The following TENM2 variants were observed in gnomAD, a reference collection of about 807,000 sequenced individuals.
TENM2 encodes teneurin transmembrane protein 2, also known as teneurin-2.
In TENM2, 52 loss-of-function variants were observed where a neutral mutation model predicts 245.2. The ratio of observed to expected loss-of-function variants is 0.21; its 90% CI spans 0.17 to 0.27. The LOEUF (loss-of-function observed/expected upper bound fraction) is 0.27, where lower values mean the gene tolerates loss of function less well. TENM2 is among the 10% of genes least tolerant of loss of function. The pLI is 1.00. For missense variants in TENM2, 3,046 were observed against 3,666.8 expected, an observed-to-expected ratio of 0.83 and a Z score of 4.37; for synonymous variants, 1,363 against 1,438.9, an observed-to-expected ratio of 0.95 and a Z score of 1.19.
the TENM2 span, among the ~76,000 whole-genome samples, chr5:167,275,048 A>G: frequency 2.6e-5 from 4 of 152,000 alleles, no homozygotes; most frequent in African/African-American, 9.7e-5. Context: ...AAACTAAATT[A>G]AGGAGTTTTT....
chr5:167,995,057 G>C (rs759457981), intron 5 of TENM2, among the ~76,000 whole-genome samples: 1 of 151,974 alleles, frequency 6.6e-6, no homozygotes, highest in Non-Finnish European at 1.5e-5. Flanking sequence ...TGTTCTGCGG[G>C]GCCAGTGAGC....
At chr5:167,694,251 A>C (rs1217745870) in intron 2 of TENM2, among the ~76,000 whole-genome samples, 1 of 152,094 alleles carries the variant, frequency 6.6e-6, no homozygotes, top group African/African-American at 2.4e-5. Context: ...GCTGGTTCTC[A>C]ATTATGGCCT....
chr5:167,490,443 A>G (rs1331746745), intron 2 of TENM2, among the ~76,000 whole-genome samples: 1 of 152,122 alleles, frequency 6.6e-6, no homozygotes, highest in Non-Finnish European at 1.5e-5. Context: ...TCTTAGTTGA[A>G]TATCTCTCTC....
the TENM2 span, among the ~76,000 whole-genome samples, chr5:166,995,964 A>G: frequency 6.6e-6 from 1 of 152,026 alleles, no homozygotes; most frequent in Admixed American, 6.6e-5. Context: ...AAATAATATA[A>G]GGATATTTTA....
chr5:167,214,481 C>T, the TENM2 span, among the ~76,000 whole-genome samples: 5 of 152,128 alleles, frequency 3.3e-5, no homozygotes, highest in African/African-American at 9.7e-5. Flanking sequence ...TTCAGAGGCA[C>T]AAAATATAAG....
intron 2 of TENM2, among the ~76,000 whole-genome samples, chr5:167,566,998 T>C (rs2127652275): frequency 6.6e-6 from 1 of 152,282 alleles, no homozygotes; most frequent in Middle Eastern, 3.4e-3. Flanking sequence ...TGAGCAGTTT[T>C]ATAAGCAAAA....
intron 1 of TENM2, among the ~76,000 whole-genome samples, chr5:167,320,955 A>AC (rs1554133637): frequency 0.013 from 1,993 of 151,934 alleles, 47 homozygotes; most frequent in African/African-American, 0.044. Context: ...ACAAAAAAAA[A>AC]CACTAAAATC....
intron 2 of TENM2, among the ~76,000 whole-genome samples, chr5:167,630,774 C>T (rs1373616430): frequency 1.3e-5 from 2 of 152,170 alleles, no homozygotes; most frequent in East Asian, 1.9e-4. Context: ...AGTGTCACTA[C>T]TCAGAAGGGA....
chr5:167,895,579 A>G (rs2151486346), intron 3 of TENM2, among the ~76,000 whole-genome samples: 1 of 152,362 alleles, frequency 6.6e-6, no homozygotes, highest in South Asian at 2.1e-4. Context: ...CTAATTAATT[A>G]AAACAGAGGT....
At chr5:167,168,826 C>T in the TENM2 span, among the ~76,000 whole-genome samples, 2 of 152,200 alleles carry the variant, frequency 1.3e-5, no homozygotes, top group Admixed American at 1.3e-4. Context: ...GTGGCACCGT[C>T]TTGGCTCACT....
In TENM2 at chr5:167,902,799, C is replaced by T. The variant is rs1322913922; in HGVS notation, c.712+26604C>T. On this transcript the variant is annotated intron_variant, in intron 3 of 28. Coordinates refer to ENST00000518659, the Ensembl canonical transcript of TENM2. ...GTGTGACAGTTTGCTTTTGTACTCC[C>T]CCACTTTATATAAAAGGAGCAGGAC... is the stretch of plus-strand genomic sequence containing the variant. Among the ~76,000 whole-genome samples the T allele has an allele frequency of 2.6e-5, 4 of 152,158 alleles. No homozygotes were observed. The East Asian group carries it at 7.7e-4, about 29-fold the overall frequency.
chr5:168,154,264 G>A (rs1756953123), intron 12 of TENM2, among the ~76,000 whole-genome samples: 1 of 151,768 alleles, frequency 6.6e-6, no homozygotes, highest in Admixed American at 6.6e-5. Flanking sequence ...CCAGGCTGGA[G>A]TGAAGTGGTG....
At chr5:167,273,279 T>C in the TENM2 span, among the ~76,000 whole-genome samples, 3 of 152,260 alleles carry the variant, frequency 2.0e-5, no homozygotes, top group South Asian at 2.1e-4. Flanking sequence ...AGCCCCAGCA[T>C]AGCAGTAACG....
chr5:167,755,124 G>A, intron 2 of TENM2: 1 of 1,599,112 alleles, frequency 6.3e-7, no homozygotes. Context: ...CATCTCTTAT[G>A]GAGACCCGGC....
At chr5:167,809,939 C>G (rs966396417) in intron 2 of TENM2, among the ~76,000 whole-genome samples, 7 of 152,118 alleles carry the variant, frequency 4.6e-5, no homozygotes, top group African/African-American at 1.4e-4. Context: ...GGTCCTTGCT[C>G]CAGTCAATAG....
At chr5:167,678,854 G>T in intron 2 of TENM2, among the ~76,000 whole-genome samples, 1 of 152,026 alleles carries the variant, frequency 6.6e-6, no homozygotes, top group Non-Finnish European at 1.5e-5. Flanking sequence ...TTCCCTCAAA[G>T]AATGTCAATA....
intron 9 of TENM2, among the ~76,000 whole-genome samples, chr5:168,109,889 C>T (rs938511563): frequency 1.3e-5 from 2 of 152,170 alleles, no homozygotes; most frequent in Non-Finnish European, 2.9e-5. Context: ...TATTTGGTGG[C>T]CACGTGCAAG....
chr5:167,788,746 C>T (rs898638165), intron 2 of TENM2, among the ~76,000 whole-genome samples: 1 of 152,196 alleles, frequency 6.6e-6, no homozygotes, highest in African/African-American at 2.4e-5. Context: ...GTCCAGTCTT[C>T]TTTCTTATTA....
intron 1 of TENM2, among the ~76,000 whole-genome samples, chr5:167,338,016 C>T (rs1432395939): frequency 1.3e-5 from 2 of 152,094 alleles, no homozygotes; most frequent in African/African-American, 2.4e-5. Flanking sequence ...ATCTTGAAAG[C>T]ATAAAATGAA....
Sources: gnomAD v4.1 joint callset for allele counts (sites outside exome capture counted in the v4.1 genomes callset) on GRCh38, gnomAD v4.1.1 for gene constraint, MANE v1.5 for transcripts, NCBI Gene and HGNC (gene_info 2026-07-23, HGNC 2026-07-21) for gene names.